Variants in FAAH2 observed in about 807,000 individuals in gnomAD.
FAAH2 encodes fatty acid amide hydrolase 2.
In FAAH2, 60 loss-of-function variants were observed where a neutral mutation model predicts 36.9. The ratio of observed to expected loss-of-function variants is 1.63; its 90% CI spans 1.32 to 2.02. The LOEUF (loss-of-function observed/expected upper bound fraction) is 2.02, where lower values mean the gene tolerates loss of function less well. Ranked by LOEUF, FAAH2 falls within the 30% of genes most tolerant of loss-of-function variation. FAAH2 has a pLI of 0.00. For synonymous variants in FAAH2, 214 were observed against 143.8 expected (o/e 1.49, Z -3.49); for missense variants, 689 against 397.5 (o/e 1.73, Z -6.23).
At chrX:57,201,157 T>C in the FAAH2 span, among the ~76,000 whole-genome samples, 1,605 of 109,667 alleles carry the variant, frequency 0.015, 26 homozygotes, top group African/African-American at 0.051. Context: ...GCACGGTGGC[T>C]CATGCCTGTA....
chrX:57,286,991 C>T lies in FAAH2; in HGVS notation c.166C>T (p.Leu56=). The change falls in exon 1 of 11, where the codon CTG becomes TTG. Residue 56 remains leucine (L), a synonymous_variant. Coordinates refer to ENST00000374900, the MANE Select transcript of FAAH2 (RefSeq NM_174912.4). ...ATTGCTTCTGCTTTCGGGGATGCAG[C>T]TGGCCAAGCTGATCCGACAGAGAAA... ...EPLLLLSGMQ[L]AKLIRQRKVK... is the part of the protein sequence containing the mutation. 1 of 1,194,543 alleles carries T rather than the reference C, an allele frequency of 8.4e-7. No homozygotes were observed. The highest frequency in any genetic ancestry group is 1.9e-5 in the South Asian group (1 of 53,874).
intron 7 of FAAH2, among the ~76,000 whole-genome samples, chrX:57,418,163 G>A (rs746977254): frequency 5.4e-5 from 6 of 111,963 alleles, no homozygotes; most frequent in Non-Finnish European, 1.1e-4. Context: ...CACTTGCTGG[G>A]TTCCATGGGG....
chrX:57,181,099 C>T, the FAAH2 span, among the ~76,000 whole-genome samples: 1 of 111,329 alleles, frequency 9.0e-6, no homozygotes, highest in Non-Finnish European at 1.9e-5. Context: ...TAAAAGCTCT[C>T]AACAAACTAG....
the FAAH2 span, among the ~76,000 whole-genome samples, chrX:57,223,812 T>C: frequency 7.1e-5 from 8 of 111,940 alleles, no homozygotes; most frequent in Non-Finnish European, 1.3e-4. Flanking sequence ...ACTTCCAACA[T>C]TCATCCAGTC....
chrX:57,125,778 A>G, the FAAH2 span, among the ~76,000 whole-genome samples: 1 of 112,114 alleles, frequency 8.9e-6, no homozygotes, highest in African/African-American at 3.2e-5. Flanking sequence ...CCTATTTTTT[A>G]TTATAAAATG....
chrX:57,478,392 C>G (rs1418544989), intron 10 of FAAH2, among the ~76,000 whole-genome samples: 1 of 111,153 alleles, frequency 9.0e-6, no homozygotes, highest in East Asian at 2.8e-4. Context: ...GATATTAGCC[C>G]TTTGTCAGAT....
the FAAH2 span, among the ~76,000 whole-genome samples, chrX:57,244,586 A>G: frequency 1.8e-5 from 2 of 111,807 alleles, no homozygotes; most frequent in South Asian, 7.5e-4. Flanking sequence ...AACATTCTTA[A>G]ATAAGAGAAT....
the FAAH2 span, among the ~76,000 whole-genome samples, chrX:57,144,923 T>C: frequency 9.5e-6 from 1 of 105,416 alleles, no homozygotes; most frequent in Admixed American, 1.0e-4. Flanking sequence ...TGTGTGTGCA[T>C]ACACACACAC....
the FAAH2 span, among the ~76,000 whole-genome samples, chrX:57,164,863 C>T: frequency 8.9e-6 from 1 of 112,134 alleles, no homozygotes; most frequent in African/African-American, 3.2e-5. Context: ...CCATTTTAAT[C>T]ATTTTTTTGT....
At chrX:57,322,541 C>A (rs2053061615) in intron 3 of FAAH2, among the ~76,000 whole-genome samples, 1 of 111,282 alleles carries the variant, frequency 9.0e-6, no homozygotes, top group Non-Finnish European at 1.9e-5. Flanking sequence ...CGAATGTTGG[C>A]CTCTCTGTCT....
rs2052019607 is a variant in FAAH2, at chrX:57,292,635, T to C, written c.275+55T>C. The C allele has an allele frequency of 7.1e-6, 7 of 990,870 alleles. No individual in the cohort carries two copies. The East Asian group carries it at 1.9e-4, about 26-fold the overall frequency. 81.7% of individuals were successfully genotyped at this position (990,870 alleles called of 1,213,427 possible). A position where few individuals can be genotyped will look rare whatever the true frequency, so the allele number is the denominator to read the frequency against. ...TTTATGGTGGTTTTTGTTCTACTTC[T>C]GTGGTCATGCCACCTTAGCATATTT... On this transcript the variant is annotated intron_variant, in intron 2 of 10. Coordinates refer to ENST00000374900, the MANE Select transcript of FAAH2 (RefSeq NM_174912.4).
chrX:57,263,756 A>G, the FAAH2 span, among the ~76,000 whole-genome samples: 1 of 111,859 alleles, frequency 8.9e-6, no homozygotes, highest in Non-Finnish European at 1.9e-5. Flanking sequence ...AAAAAAGAAA[A>G]GAAGAATAAA....
At chrX:57,467,352 C>T (rs1336629139) in intron 10 of FAAH2, among the ~76,000 whole-genome samples, 2 of 111,081 alleles carry the variant, frequency 1.8e-5, no homozygotes, top group East Asian at 5.7e-4. Flanking sequence ...CTTTCCTAGT[C>T]AAAGAAAGGG....
the FAAH2 span, among the ~76,000 whole-genome samples, chrX:57,216,518 ACG>A: frequency 1.2e-4 from 9 of 74,621 alleles, no homozygotes; most frequent in African/African-American, 6.1e-4. Context: ...ATATATATAT[ACG>A]TATATGTATA....
chrX:57,236,911 AC>A, the FAAH2 span, among the ~76,000 whole-genome samples: 1 of 74,234 alleles, frequency 1.3e-5, no homozygotes, highest in African/African-American at 1.7e-4. Flanking sequence ...TTCATGTACC[AC>A]CAAAAAAAAT....
At chrX:57,466,935 G>A (rs2057061465) in intron 10 of FAAH2, among the ~76,000 whole-genome samples, 1 of 111,294 alleles carries the variant, frequency 9.0e-6, no homozygotes, top group African/African-American at 3.3e-5. Flanking sequence ...GCTGAATCTT[G>A]AGCTTTAATA....
At chrX:57,203,183 C>A in the FAAH2 span, among the ~76,000 whole-genome samples, 1 of 111,947 alleles carries the variant, frequency 8.9e-6, no homozygotes, top group Non-Finnish European at 1.9e-5. Context: ...GACAGCAAGC[C>A]AGTGATAAGC....
Position 57,488,864 on chromosome X carries a change from C to T in FAAH2, c.1531C>T (p.Leu511=). Residue 511 remains leucine (L), a synonymous_variant, in exon 11 of 11, where the codon CTG becomes TTG. Transcript: ENST00000374900. ...QVVAGPFNDH[L]TLAVAQYLEK... is the part of the protein sequence containing the mutation. ...TGTGGCTGGACCCTTTAATGATCAT[C>T]TGACCCTGGCTGTGGCCCAGTACTT... The T allele has an allele frequency of 8.3e-7, 1 of 1,210,870 alleles. No individual in the cohort carries two copies. The highest frequency in any genetic ancestry group is 1.1e-6 in the Non-Finnish European group (1 of 895,320).
intron 10 of FAAH2, among the ~76,000 whole-genome samples, chrX:57,452,752 A>G (rs1015570122): frequency 2.7e-5 from 3 of 112,544 alleles, no homozygotes; most frequent in Non-Finnish European, 5.6e-5. Flanking sequence ...AACTGGAAAA[A>G]TTACTGGAAA....
Sources: gnomAD v4.1 joint callset for allele counts (sites outside exome capture counted in the v4.1 genomes callset) on GRCh38, gnomAD v4.1.1 for gene constraint, MANE v1.5 for transcripts, NCBI Gene and HGNC (gene_info 2026-07-23, HGNC 2026-07-21) for gene names.